FNBP1L: variants seen among roughly 807,000 people sequenced by gnomAD.
The protein encoded by FNBP1L is formin binding protein 1 like, also known as formin-binding protein 1-like.
In FNBP1L, 36 loss-of-function variants were observed where a neutral mutation model predicts 91.2. That is an observed-to-expected ratio of 0.39 (90% confidence interval 0.30 to 0.52). FNBP1L has a LOEUF of 0.52. FNBP1L is among the 20% of genes least tolerant of loss of function. The pLI, the probability that FNBP1L is intolerant of heterozygous loss-of-function variation, is 0.66. For missense variants in FNBP1L, 571 were observed against 732.1 expected, an observed-to-expected ratio of 0.78 and a Z score of 2.54; for synonymous variants, 242 against 237.0, an observed-to-expected ratio of 1.02 and a Z score of -0.19.
chr1:93,538,295 T>A (rs1009812047), intron 10 of FNBP1L, among the ~76,000 whole-genome samples: 6 of 151,970 alleles, frequency 3.9e-5, no homozygotes, highest in Non-Finnish European at 7.4e-5. Flanking sequence ...TAGGTAGAAT[T>A]TTATAACTGT....
At chr1:93,522,395 A>G (rs991916357) in intron 3 of FNBP1L, among the ~76,000 whole-genome samples, 10 of 152,274 alleles carry the variant, frequency 6.6e-5, no homozygotes, top group African/African-American at 2.2e-4. Flanking sequence ...TGAATGATTT[A>G]GTCTGCAGAA....
chr1:93,505,466 G>T (rs1256489831), intron 2 of FNBP1L, among the ~76,000 whole-genome samples: 1 of 152,128 alleles, frequency 6.6e-6, no homozygotes, highest in Non-Finnish European at 1.5e-5. Flanking sequence ...CAAGGTAGAG[G>T]GGAACAAAGG....
chr1:93,461,953 G>A (rs114841695), intron 1 of FNBP1L, among the ~76,000 whole-genome samples: 360 of 152,290 alleles, frequency 2.4e-3, no homozygotes, highest in African/African-American at 8.5e-3. Context: ...GTCTTAGCTG[G>A]ACTCTATGGA....
At chr1:93,455,121 G>A (rs1162402121) in intron 1 of FNBP1L, among the ~76,000 whole-genome samples, 1 of 152,070 alleles carries the variant, frequency 6.6e-6, no homozygotes, top group African/African-American at 2.4e-5. Context: ...GTAGAGACGG[G>A]ATTTCCCCAT....
chr1:93,454,480 G>C (rs1209805500), intron 1 of FNBP1L, among the ~76,000 whole-genome samples: 2 of 152,196 alleles, frequency 1.3e-5, no homozygotes, highest in Non-Finnish European at 2.9e-5. Flanking sequence ...GGCAGGAGGG[G>C]AATACCTCTG....
intron 1 of FNBP1L, among the ~76,000 whole-genome samples, chr1:93,475,214 A>T (rs1366602256): frequency 6.6e-6 from 1 of 152,120 alleles, no homozygotes; most frequent in Non-Finnish European, 1.5e-5. Context: ...GAAACTAAAG[A>T]TTCAAGCTTT....
intron 1 of FNBP1L, among the ~76,000 whole-genome samples, chr1:93,473,596 A>G (rs1669384088): frequency 6.6e-6 from 1 of 152,198 alleles, no homozygotes; most frequent in African/African-American, 2.4e-5. Flanking sequence ...AGTTCTGGGT[A>G]TACATCCCCA....
chr1:93,494,708 A>C (rs964216347), intron 1 of FNBP1L, among the ~76,000 whole-genome samples: 1 of 152,244 alleles, frequency 6.6e-6, no homozygotes, highest in African/African-American at 2.4e-5. Flanking sequence ...TAGCTGTATT[A>C]GTCTGTTCGC....
At chr1:93,493,050 A>AC (rs1419941196) in intron 1 of FNBP1L, among the ~76,000 whole-genome samples, 2 of 151,968 alleles carry the variant, frequency 1.3e-5, no homozygotes, top group Non-Finnish European at 2.9e-5. Flanking sequence ...GATCGCTTGA[A>AC]CTCAGGGGTT....
At chr1:93,521,463 A>T (rs1441057341) in intron 2 of FNBP1L, among the ~76,000 whole-genome samples, 2 of 152,142 alleles carry the variant, frequency 1.3e-5, no homozygotes, top group South Asian at 2.1e-4. Context: ...TCACATACTG[A>T]GTGTAATTGT....
At chr1:93,527,871 C>G (rs575841884) in intron 5 of FNBP1L, among the ~76,000 whole-genome samples, 7 of 151,966 alleles carry the variant, frequency 4.6e-5, no homozygotes, top group African/African-American at 1.5e-4. Flanking sequence ...AAAATACTTA[C>G]AGCTGTTAGC....
intron 2 of FNBP1L, among the ~76,000 whole-genome samples, chr1:93,503,021 A>G (rs1670488276): frequency 1.3e-5 from 2 of 151,444 alleles, no homozygotes; most frequent in South Asian, 4.2e-4. Flanking sequence ...AACTCCCCTT[A>G]TTTTTGCTAG....
chr1:93,523,599 C>A, intron 4 of FNBP1L, 108 bp downstream of exon 4: 2 of 1,007,520 alleles, frequency 2.0e-6, no homozygotes, highest in South Asian at 2.0e-5. Flanking sequence ...TTTTCTATTT[C>A]ACTACATTTC....
At chr1:93,463,400 T>C (rs1336282558) in intron 1 of FNBP1L, among the ~76,000 whole-genome samples, 1 of 152,204 alleles carries the variant, frequency 6.6e-6, no homozygotes, top group Non-Finnish European at 1.5e-5. Flanking sequence ...AACCTGTGTA[T>C]AAGATGCTCC....
At chr1:93,550,804 A>T in intron 15 of FNBP1L, 143 bp from the exon 16 acceptor site, 1 of 768,558 alleles carries the variant, frequency 1.3e-6, no homozygotes, top group Non-Finnish European at 1.9e-6. Context: ...CACAAAGCAC[A>T]ATAGAGATGT....
intron 8 of FNBP1L, among the ~76,000 whole-genome samples, chr1:93,533,826 T>A (rs955353766): frequency 1.3e-5 from 2 of 152,198 alleles, no homozygotes; most frequent in African/African-American, 4.8e-5. Context: ...ACAATATCAT[T>A]ACAGCCCTCT....
intron 2 of FNBP1L, among the ~76,000 whole-genome samples, chr1:93,516,409 A>G (rs2101744810): frequency 6.6e-6 from 1 of 152,194 alleles, no homozygotes; most frequent in South Asian, 2.1e-4. Context: ...TTCAAGTTCC[A>G]CCCACAGGAG....
Position 93,523,431 on chromosome 1 carries a change from G to A in FNBP1L, c.282G>A (p.Ala94=), listed in dbSNP as rs375901756. 146 of 1,609,846 alleles carry A rather than the reference G, an allele frequency of 9.1e-5. 1 individual carries two copies. The highest frequency in any genetic ancestry group is 3.3e-4 in the Middle Eastern group (2 of 6,082). Residue 94 remains alanine, a synonymous_variant, in exon 4 of 17, where the codon GCG becomes GCA. Coordinates refer to ENST00000271234, the MANE Select transcript of FNBP1L (RefSeq NM_001164473.3). ...GQREVVAEEM[A]HRVYGELMRY... ...GAGAAGTTGTAGCAGAAGAAATGGCGCACAGAGTGTATGGTGAATTAATGA... is the reference window on the plus strand; with the variant it reads ...GAGAAGTTGTAGCAGAAGAAATGGCACACAGAGTGTATGGTGAATTAATGA...
chr1:93,496,970 C>CT lies in FNBP1L; in HGVS notation c.25-2490dup, dbSNP rs553121832. 4.6e-5 allele frequency among the ~76,000 whole-genome samples: 7 copies of CT among 152,050 alleles called. No individual in the cohort carries two copies. The East Asian group carries it at 5.8e-4, about 13-fold the overall frequency. ...ACAATTAGTTTCAGTGGGGTTTGAACTTTTTTTTGAGACAGAGTCTCGCTC... is the reference window on the plus strand; with the variant it reads ...ACAATTAGTTTCAGTGGGGTTTGAACTTTTTTTTTGAGACAGAGTCTCGCTC... On this transcript the variant is annotated intron_variant, in intron 1 of 16. Transcript: ENST00000271234.
Sources: allele counts gnomAD v4.1 joint callset (sites outside exome capture counted in the v4.1 genomes callset), GRCh38; gene constraint gnomAD v4.1.1; transcripts MANE v1.5; gene names NCBI Gene and HGNC (gene_info 2026-07-23, HGNC 2026-07-21).